SMTN: variants seen among roughly 807,000 people sequenced by gnomAD.
SMTN encodes smoothelin.
Under a neutral mutation model 102.0 loss-of-function variants are expected in SMTN, and 58 were observed. The ratio of observed to expected loss-of-function variants is 0.57; its 90% CI spans 0.46 to 0.71. The LOEUF (loss-of-function observed/expected upper bound fraction) is 0.71, where lower values mean the gene tolerates loss of function less well. Ranked by LOEUF, SMTN falls within the 30% of genes least tolerant of loss-of-function variation. The probability of loss-of-function intolerance (pLI) is 0.00; values close to 1 mark genes in which losing one functional copy is unlikely to be tolerated. For synonymous variants in SMTN, 478 were observed against 497.9 expected (o/e 0.96, Z 0.53); for missense variants, 1,185 against 1,241.7 (o/e 0.95, Z 0.69).
chr22:31,085,357 C>T (rs540077891), intron 2 of SMTN: 372 of 1,373,432 alleles, frequency 2.7e-4, no homozygotes, highest in Admixed American at 3.3e-4. Flanking sequence ...CCTTCAGCGC[C>T]CCCTGGCGAG....
rs56931006 is a variant in SMTN at position 31,097,715 on chromosome 22, GATAAATAAATAAATAA to G, written c.2159+399_2159+414del. ...CGAGACTCAGTCTCAAAAATAAATA[GATAAATAAATAAATAA>G]ATAAATAAATAAATAAATAAAACAG... On this transcript the variant is annotated intron_variant, in intron 16 of 20. Transcript: ENST00000333137. Among the ~76,000 whole-genome samples the G allele has an allele frequency of 2.3e-3, 335 of 145,888 alleles. 3 individuals carry two copies. Among genetic ancestry groups the G allele is most frequent in the Non-Finnish European group, 3.9e-3 (261 of 66,796 alleles).
chr22:31,082,616 G>C, intron 1 of SMTN: 1 of 591,744 alleles, frequency 1.7e-6, no homozygotes. Context: ...TGGGTGCCTG[G>C]ACACCTGGCT....
intron 11 of SMTN, among the ~76,000 whole-genome samples, chr22:31,092,736 G>A (rs2043230572): frequency 6.6e-6 from 1 of 152,202 alleles, no homozygotes; most frequent in Non-Finnish European, 1.5e-5. Context: ...CCCTTGAGGT[G>A]GATGGGAGGT....
chr22:31,102,819 G>C (rs886843398), intron 20 of SMTN: 1 of 152,608 alleles, frequency 6.6e-6, no homozygotes, highest in East Asian at 1.9e-4. Flanking sequence ...TCCCCAGGAC[G>C]ATAGCCACAG....
Position 31,091,835 on chromosome 22 carries a change from C to T in SMTN, c.1620C>T (p.Gly540=). 6.3e-7 allele frequency: 1 copy of T among 1,591,612 alleles called. No homozygotes were observed. The highest frequency in any genetic ancestry group is 8.6e-7 in the Non-Finnish European group (1 of 1,167,674). ...FSHAPPSSRG[G]CSIKMEAEPA... The stretch of plus-strand genomic sequence containing the variant: ...ATGCCCCCCCCAGTAGCCGAGGAGG[C>T]TGCAGCATCAAGGTGAGCCCCTCCT... Residue 540 remains glycine (G), a synonymous_variant, in exon 11 of 21, where the codon GGC becomes GGT. Transcript: ENST00000333137.
chr22:31,069,049 T>C (rs1321007395), intron 1 of SMTN, among the ~76,000 whole-genome samples: 1 of 152,152 alleles, frequency 6.6e-6, no homozygotes, highest in Non-Finnish European at 1.5e-5. Context: ...CCCTAAGCGA[T>C]TCAGAAGTCA....
At chr22:31,096,680 C>G in intron 13 of SMTN, 53 bp from the exon 14 acceptor site, 3 of 1,495,920 alleles carry the variant, frequency 2.0e-6, no homozygotes, top group Non-Finnish European at 2.7e-6. Flanking sequence ...TGCATCTGTG[C>G]TGTGTGGGTG....
upstream of SMTN, among the ~76,000 whole-genome samples, chr22:31,078,073 G>A (rs1216091136): frequency 2.6e-5 from 4 of 152,184 alleles, no homozygotes; most frequent in African/African-American, 4.8e-5. Flanking sequence ...TGCTGTTCCC[G>A]TCTCCAGAAT....
intron 20 of SMTN, chr22:31,101,265 G>A (rs1415028371): frequency 1.1e-5 from 6 of 537,628 alleles, no homozygotes; most frequent in Middle Eastern, 4.9e-4. Flanking sequence ...TGTGATGGGG[G>A]AAGCCCAGGG....
At position 31,086,355 on chromosome 22, in the gene SMTN, C is replaced by T. The variant is rs575606006; in HGVS notation, c.52-1610C>T. On this transcript the variant is annotated intron_variant, in intron 2 of 20. Transcript: ENST00000333137. ...TGACCATGAGCAAATCACATGTCCTCCCTGGACTTCAATCTCCTCATCTGT... is the reference window on the plus strand; with the variant it reads ...TGACCATGAGCAAATCACATGTCCTTCCTGGACTTCAATCTCCTCATCTGT... Among the ~76,000 whole-genome samples the T allele has an allele frequency of 5.4e-4, 82 of 152,326 alleles. 1 individual carries two copies. The highest frequency in any genetic ancestry group is 1.5e-5 in the Non-Finnish European group (1 of 68,024).
In SMTN at chr22:31,088,763, C is replaced by A; in HGVS notation, c.359C>A (p.Ala120Asp). ...LIRAAIRRVR[A>D]QEIEAATLAG... ...CGAGCTGCCATCCGCCGTGTACGGG[C>A]TCAGGAGATTGAGGGTATGTGGCCT... The change falls in exon 5 of 21, where the codon GCT (alanine) becomes GAT (aspartate). Residue 120 changes from alanine to aspartate, a missense_variant. Physicochemically the swap from Ala to Asp is moderately radical, Grantham distance 126 (BLOSUM62 -2). Around this residue, in one of 2 missense-constraint regions of SMTN, gnomAD observed 1,096 missense variants for 1,112.7 expected, o/e 0.98. Coordinates refer to ENST00000333137, the MANE Select transcript of SMTN (RefSeq NM_134269.3). 1 of 1,612,828 alleles carries A rather than the reference C, an allele frequency of 6.2e-7. No individual in the cohort carries two copies. The highest frequency in any genetic ancestry group is 8.5e-7 in the Non-Finnish European group (1 of 1,179,414).
chr22:31,099,998 A>G, intron 19 of SMTN, 102 bp downstream of exon 19: 1 of 1,166,562 alleles, frequency 8.6e-7, no homozygotes, highest in Non-Finnish European at 1.2e-6. Context: ...GGCCAGCCAC[A>G]TTGTCAGTCA....
rs1382286286 is a variant in SMTN, at chr22:31,090,967, C to A, written c.944C>A (p.Thr315Asn). The change falls in exon 10 of 21, where the codon ACC (threonine) becomes AAC (asparagine). Residue 315 changes from threonine (T) to asparagine (N), a missense_variant. By Grantham distance (65) the Thr-to-Asn change is moderately conservative (BLOSUM62 0). Transcript: ENST00000333137. ...PRQPAQNRES[T>N]PLASGPSSFQ... Reference sequence around the variant, plus strand: ...GCCCTCCTGTTCCTTCTAGAGTCCACCCCCCTTGCCAGCGGACCTTCCTCA... The same window carrying A: ...GCCCTCCTGTTCCTTCTAGAGTCCAACCCCCTTGCCAGCGGACCTTCCTCA... 1.2e-6 allele frequency: 2 copies of A among 1,612,626 alleles called. No homozygotes were observed. The highest frequency in any genetic ancestry group is 1.1e-5 in the South Asian group (1 of 90,974).
chr22:31,082,970 G>A (rs1331788599), intron 1 of SMTN: 1 of 1,474,806 alleles, frequency 6.8e-7, no homozygotes, highest in East Asian at 2.5e-5. Flanking sequence ...AAGCTGGCAG[G>A]GCTGGAACCA....
chr22:31,099,911 T>G lies in SMTN; in HGVS notation c.2603+15T>G. 6.2e-7 allele frequency: 1 copy of G among 1,611,702 alleles called. No homozygotes were observed. The highest frequency in any genetic ancestry group is 8.5e-7 in the Non-Finnish European group (1 of 1,178,212). ...TCATCTGCGGAGTAAGTGTGGGCCC[T>G]GGCCCTGCTAATGTTGCTGCACATC... On this transcript the variant is annotated intron_variant, in intron 19 of 20. Transcript: ENST00000333137.
chr22:31,079,086 A>G (rs115818645), upstream of SMTN, among the ~76,000 whole-genome samples: 1,544 of 152,328 alleles, frequency 0.01, 23 homozygotes, highest in African/African-American at 0.034. Context: ...CTGTCGAATC[A>G]GAGTGTACCT....
chr22:31,099,254 C>A (rs79686092), intron 18 of SMTN, 75 bp downstream of exon 18: 34,855 of 937,774 alleles, frequency 0.037, 857 homozygotes, highest in Middle Eastern at 0.095. Context: ...AGCAGAGCTC[C>A]TATTACCCAG....
chr22:31,064,819 T>C (rs1047357259), intron 1 of SMTN: 5 of 152,210 alleles, frequency 3.3e-5, no homozygotes, highest in Admixed American at 6.5e-5. Context: ...CTTTCCCTGA[T>C]AGGAACATCT....
chr22:31,095,278 T>G lies in SMTN; in HGVS notation c.1633-25T>G. 1 of 1,611,874 alleles carries G rather than the reference T, an allele frequency of 6.2e-7. No homozygotes were observed. The highest frequency in any genetic ancestry group is 1.1e-5 in the South Asian group (1 of 90,988). On this transcript the variant is annotated intron_variant, in intron 11 of 20. Coordinates refer to ENST00000333137, the MANE Select transcript of SMTN (RefSeq NM_134269.3). This position sits in a 1 kb window ranked among gnomAD's most constrained non-coding sequence, Gnocchi z 4.1. The stretch of plus-strand genomic sequence containing the variant: ...GTTTCACCCATACCCCTGCTTAAAG[T>G]CCATGCCCTCTCCCCACCCTGCAGA...
Sources: allele counts gnomAD v4.1 joint callset (sites outside exome capture counted in the v4.1 genomes callset), GRCh38; gene constraint gnomAD v4.1.1; regional missense constraint gnomAD v4.1.1; non-coding constraint Gnocchi (gnomAD v3.1); transcripts MANE v1.5; gene names NCBI Gene and HGNC (gene_info 2026-07-23, HGNC 2026-07-21).